The following KIF20B variants were observed in gnomAD, a reference collection of about 807,000 sequenced individuals.
The protein encoded by KIF20B is kinesin-like protein KIF20B.
In KIF20B, 188 loss-of-function variants were observed where a neutral mutation model predicts 232.5. The ratio of observed to expected loss-of-function variants is 0.81; its 90% CI spans 0.72 to 0.91. KIF20B has a LOEUF of 0.91. Among genes scored for constraint, KIF20B ranks in the 40% least tolerant of loss-of-function variants. KIF20B has a pLI of 0.00. For synonymous variants in KIF20B, 712 were observed against 683.0 expected (o/e 1.04, Z -0.66); for missense variants, 2,154 against 2,055.9 (o/e 1.05, Z -0.92).
intron 29 of KIF20B, among the ~76,000 whole-genome samples, chr10:89,767,439 C>T (rs1842386037): frequency 6.6e-6 from 1 of 151,040 alleles, no homozygotes; most frequent in Non-Finnish European, 1.5e-5. Context: ...TCACTGGCAT[C>T]CTATGATTAC....
At chr10:89,738,824 A>G (rs1486393889) in intron 20 of KIF20B, 134 bp from the exon 21 acceptor site, 1 of 1,180,006 alleles carries the variant, frequency 8.5e-7, no homozygotes, top group African/African-American at 1.5e-5. Context: ...ATATTTTCTG[A>G]AGAACTCATT....
chr10:89,723,530 CT>C (rs894578432), intron 13 of KIF20B: 6 of 152,414 alleles, frequency 3.9e-5, no homozygotes, highest in African/African-American at 1.4e-4. Context: ...GGGCTTTAGA[CT>C]TTTACAGGCC....
At chr10:89,773,409 T>C (rs1440613418) in intron 32 of KIF20B, among the ~76,000 whole-genome samples, 2 of 151,974 alleles carry the variant, frequency 1.3e-5, no homozygotes, top group Non-Finnish European at 2.9e-5. Flanking sequence ...TAAAAAGAAG[T>C]GGCCAAGAAA....
chr10:89,744,167 A>G (rs1841863548), intron 22 of KIF20B, among the ~76,000 whole-genome samples: 1 of 152,198 alleles, frequency 6.6e-6, no homozygotes, highest in Non-Finnish European at 1.5e-5. Flanking sequence ...CTTCATAGTG[A>G]AGAAACCTAG....
Position 89,709,187 on chromosome 10 carries a change from A to G in KIF20B, c.168A>G (p.Lys56=). 1.9e-6 allele frequency: 3 copies of G among 1,608,170 alleles called. No homozygotes were observed. Among genetic ancestry groups the G allele is most frequent in the South Asian group, 2.2e-5 (2 of 90,026 alleles). Residue 56 remains lysine, a synonymous_variant, in exon 3 of 33, where the codon AAA becomes AAG. Coordinates refer to ENST00000371728, the MANE Select transcript of KIF20B (RefSeq NM_001284259.2). The part of the protein sequence containing the change: ...PNTEANSFES[K]DYLQVCLRIR... The stretch of plus-strand genomic sequence containing the variant: ...TTAAGGCAAACAGTTTCGAATCTAA[A>G]GATTATCTCCAGGTTTGTCTTCGAA...
At chr10:89,740,665 A>G (rs887401434) in intron 21 of KIF20B, among the ~76,000 whole-genome samples, 2 of 151,846 alleles carry the variant, frequency 1.3e-5, no homozygotes, top group Admixed American at 6.6e-5. Context: ...TTCTAAGTTT[A>G]TTTATTTTGT....
chr10:89,769,066 T>A (rs766080038), intron 31 of KIF20B, among the ~76,000 whole-genome samples, 178 bp downstream of exon 31: 4 of 151,962 alleles, frequency 2.6e-5, no homozygotes, highest in Non-Finnish European at 4.4e-5. Context: ...AGGTGTTCGC[T>A]ATGTAGTAGA....
At chr10:89,766,279 C>T (rs1477409482) in intron 29 of KIF20B, 1 of 152,456 alleles carries the variant, frequency 6.6e-6, no homozygotes, top group Non-Finnish European at 1.5e-5. Flanking sequence ...CGCCTCTCCT[C>T]CTCCAAAGGA....
chr10:89,751,352 A>G lies in KIF20B; in HGVS notation c.4103A>G (p.Asn1368Ser). 1 of 1,599,814 alleles carries G rather than the reference A, an allele frequency of 6.3e-7. No homozygotes were observed. The change falls in exon 24 of 33, where the codon AAT (asparagine) becomes AGT (serine). Residue 1368 changes from asparagine to serine, a missense_variant. Physicochemically the swap from Asn to Ser is conservative, Grantham distance 46 (BLOSUM62 1). Coordinates refer to ENST00000371728, the MANE Select transcript of KIF20B (RefSeq NM_001284259.2). ...GTTCTCCCCCGATTTTTAGATCTAA[A>G]TGTTAAAGAGAAAATAATTGAAGAC... Reference protein sequence around the residue: ...QQYERACKDLNVKEKIIEDMR... With the variant: ...QQYERACKDLSVKEKIIEDMR...
At position 89,739,050 on chromosome 10, in the gene KIF20B, A is replaced by G; in HGVS notation, c.3869A>G (p.Glu1290Gly). The G allele has an allele frequency of 1.2e-6, 2 of 1,613,318 alleles. No individual in the cohort carries two copies. Among genetic ancestry groups the G allele is most frequent in the East Asian group, 2.2e-5 (1 of 44,802 alleles). ...GAAGAAGATTATGCTGACCTGAAAG[A>G]GAAACTGACTGATGCCAAAAAGCAG... ...RKEEDYADLK[E>G]KLTDAKKQIK... Residue 1290 changes from glutamate to glycine, a missense_variant, in exon 21 of 33, where the codon GAG becomes GGG. Coordinates refer to ENST00000371728, the MANE Select transcript of KIF20B (RefSeq NM_001284259.2).
At chr10:89,748,866 C>T (rs912178644) in intron 23 of KIF20B, among the ~76,000 whole-genome samples, 1 of 151,984 alleles carries the variant, frequency 6.6e-6, no homozygotes, top group African/African-American at 2.4e-5. Context: ...AATCTGACTT[C>T]CACCTTTTCT....
At chr10:89,723,139 G>A (rs7074290) in intron 13 of KIF20B, among the ~76,000 whole-genome samples, 47,404 of 151,936 alleles carry the variant, frequency 0.31, 8,365 homozygotes, top group African/African-American at 0.47. Flanking sequence ...ATAAATTCTT[G>A]GAGGCAGAGT....
At chr10:89,710,179 A>T in intron 5 of KIF20B, 114 bp downstream of exon 5, 4 of 852,370 alleles carry the variant, frequency 4.7e-6, no homozygotes, top group South Asian at 2.2e-5. Context: ...CGTTTGCTCT[A>T]TTTTTAATAG....
intron 26 of KIF20B, among the ~76,000 whole-genome samples, chr10:89,755,561 C>T (rs1421788447): frequency 6.6e-6 from 1 of 150,676 alleles, no homozygotes; most frequent in Non-Finnish European, 1.5e-5. Context: ...CTTCCCCGTG[C>T]CCATCCCCTT....
chr10:89,733,826 T>C (rs1841581216), intron 19 of KIF20B, among the ~76,000 whole-genome samples: 2 of 152,164 alleles, frequency 1.3e-5, no homozygotes, highest in Admixed American at 6.5e-5. Context: ...TTAGTCTGTA[T>C]TGAAGAAAAG....
At position 89,709,406 on chromosome 10, in the gene KIF20B, G is replaced by C; in HGVS notation, c.296G>C (p.Gly99Ala). 1 of 1,613,612 alleles carries C rather than the reference G, an allele frequency of 6.2e-7. No homozygotes were observed. The highest frequency in any genetic ancestry group is 8.5e-7 in the Non-Finnish European group (1 of 1,179,742). Residue 99 changes from glycine to alanine, a missense_variant, in exon 4 of 33, where the codon GGT becomes GCT. Physicochemically the swap from Gly to Ala is moderately conservative, Grantham distance 60. Transcript: ENST00000371728. ...CTGAAAGAGCCTCAATGCATCCTTG[G>C]TCGGTTAAGTGAAAAAAGCTCAGGG... ...VVLKEPQCILGRLSEKSSGQM... is the reference protein window; with the variant it reads ...VVLKEPQCILARLSEKSSGQM...
At chr10:89,728,609 G>A (rs535385359) in intron 17 of KIF20B, among the ~76,000 whole-genome samples, 51 of 152,198 alleles carry the variant, frequency 3.4e-4, no homozygotes, top group African/African-American at 1.2e-3. Context: ...GGGTTCAAGT[G>A]ATTCTCCTGC....
chr10:89,704,912 TACAGGAGTCACTAAGTAGATGACACAAG>T (rs1177511946), intron 1 of KIF20B, among the ~76,000 whole-genome samples: 1 of 152,248 alleles, frequency 6.6e-6, no homozygotes, highest in Non-Finnish European at 1.5e-5. Context: ...AGTAACATTC[TACAGGAGTCACTAAGTAGATGACACAAG>T]GTTATAATTT....
At chr10:89,716,959 G>A (rs1266092819) in intron 9 of KIF20B, among the ~76,000 whole-genome samples, 2 of 152,150 alleles carry the variant, frequency 1.3e-5, no homozygotes, top group African/African-American at 4.8e-5. Flanking sequence ...AAGGAAATAA[G>A]TTTAAGCAGT....
Sources: allele counts gnomAD v4.1 joint callset (sites outside exome capture counted in the v4.1 genomes callset), GRCh38; gene constraint gnomAD v4.1.1; transcripts MANE v1.5; gene names NCBI Gene and HGNC (gene_info 2026-07-23, HGNC 2026-07-21).